Variants in ZNF623 observed in about 807,000 individuals in gnomAD.
The protein encoded by ZNF623 is zinc finger protein 623.
Under a neutral mutation model 24.0 loss-of-function variants are expected in ZNF623, and 16 were observed. That is an observed-to-expected ratio of 0.67 (90% CI 0.45 to 1.01). The LOEUF (loss-of-function observed/expected upper bound fraction) is 1.01, where lower values mean the gene tolerates loss of function less well. Ranked by LOEUF, ZNF623 falls within the 50% of genes least tolerant of loss-of-function variation. The pLI is 0.00. For missense variants in ZNF623, 566 were observed against 606.5 expected, an observed-to-expected ratio of 0.93 and a Z score of 0.70; for synonymous variants, 224 against 219.8, an observed-to-expected ratio of 1.02 and a Z score of -0.17.
In ZNF623 at chr8:143,652,225, C is replaced by T. The variant is rs528906965; in HGVS notation, c.*742C>T. 4.8e-5 allele frequency: 8 copies of T among 167,256 alleles called. No homozygotes were observed. Among genetic ancestry groups the T allele is most frequent in the African/African-American group, 1.9e-4 (8 of 41,574 alleles). 10.4% of individuals were successfully genotyped at this position (167,256 alleles called of 1,614,324 possible). A position where few individuals can be genotyped will look rare whatever the true frequency, so the allele number is the denominator to read the frequency against. ...CCACACTTCTGTGGCTCAGTGATTA[C>T]TGCTATTACTATATTTACTTGCATA... On this transcript the variant is annotated 3_prime_UTR_variant, in exon 2 of 2. Coordinates refer to ENST00000526926, the MANE Select transcript of ZNF623 (RefSeq NM_001261843.2).
rs764998911 is a variant in ZNF623, at chr8:143,650,505, G to A, written c.513G>A (p.Gln171=). Reference sequence around the variant, plus strand: ...GAGAAAAGCCCTTCAAATGTGCGCAGTGTGGGAAGGCGTTTTGTCACAGTT... The same window carrying A: ...GAGAAAAGCCCTTCAAATGTGCGCAATGTGGGAAGGCGTTTTGTCACAGTT... ...HSGEKPFKCA[Q]CGKAFCHSSD... The change falls in exon 2 of 2, where the codon CAG becomes CAA. Residue 171 remains glutamine, a synonymous_variant. Coordinates refer to ENST00000526926, the MANE Select transcript of ZNF623 (RefSeq NM_001261843.2). The surrounding 1 kb of genome is among the most constrained non-coding windows in gnomAD (Gnocchi z 5.2). 1.9e-6 allele frequency: 3 copies of A among 1,614,176 alleles called. No homozygotes were observed. Among genetic ancestry groups the A allele is most frequent in the South Asian group, 2.2e-5 (2 of 91,086 alleles).
intron 1 of ZNF623, among the ~76,000 whole-genome samples, chr8:143,644,754 C>T (rs1815132950): frequency 6.6e-6 from 1 of 150,658 alleles, no homozygotes; most frequent in Non-Finnish European, 1.5e-5. Flanking sequence ...TGCTTGAACC[C>T]AGGAGGCGGA....
chr8:143,650,019 G>C lies in ZNF623; in HGVS notation c.27G>C (p.Glu9Asp). The C allele has an allele frequency of 6.2e-7, 1 of 1,614,206 alleles. No individual in the cohort carries two copies. The highest frequency in any genetic ancestry group is 1.1e-5 in the South Asian group (1 of 91,088). Reference sequence around the variant, plus strand: ...TGGAGCTCCCCTCTCCCGAGTCTGAGGAAGTCCACGAGCCCAGATTAGGGG... The same window carrying C: ...TGGAGCTCCCCTCTCCCGAGTCTGACGAAGTCCACGAGCCCAGATTAGGGG... MELPSPESEEVHEPRLGEL... is the reference protein window; with the variant it reads MELPSPESDEVHEPRLGEL... Residue 9 changes from glutamate (E) to aspartate (D), a missense_variant, in exon 2 of 2, where the codon GAG (glutamate) becomes GAC (aspartate). By Grantham distance (45) the Glu-to-Asp change is conservative. Around this residue, in one of 3 missense-constraint regions of ZNF623, gnomAD observed 313 missense variants for 300.4 expected, o/e 1.04. Coordinates refer to ENST00000526926, the MANE Select transcript of ZNF623 (RefSeq NM_001261843.2). The surrounding 1 kb of genome is among the most constrained non-coding windows in gnomAD (Gnocchi z 5.2).
chr8:143,645,752 T>C (rs967878684), intron 1 of ZNF623, among the ~76,000 whole-genome samples: 1 of 152,184 alleles, frequency 6.6e-6, no homozygotes, highest in Non-Finnish European at 1.5e-5. Flanking sequence ...TGAGCGAGTT[T>C]GGGTGTGTGA....
intron 1 of ZNF623, among the ~76,000 whole-genome samples, chr8:143,637,746 C>T (rs1814957343): frequency 6.6e-6 from 1 of 152,100 alleles, no homozygotes; most frequent in African/African-American, 2.4e-5. Context: ...GACGAGGTTT[C>T]ACCATATTGG....
chr8:143,646,345 T>G (rs1563699634), intron 1 of ZNF623, among the ~76,000 whole-genome samples: 3 of 152,200 alleles, frequency 2.0e-5, no homozygotes, highest in Admixed American at 6.5e-5. Flanking sequence ...ACCTGGCTTA[T>G]TACCTTGTAT....
At chr8:143,648,131 G>T (rs1182284268) in intron 1 of ZNF623, among the ~76,000 whole-genome samples, 1 of 152,160 alleles carries the variant, frequency 6.6e-6, no homozygotes, top group African/African-American at 2.4e-5. Context: ...GCATGTGAGT[G>T]TTCAGCATAG....
At chr8:143,649,720 C>CT (rs1815250269) in intron 1 of ZNF623, 178 bp from the exon 2 acceptor site, 1 of 706,274 alleles carries the variant, frequency 1.4e-6, no homozygotes, top group Non-Finnish European at 2.3e-6. Flanking sequence ...AAGAAGCCAT[C>CT]TTATGTGGGA....
rs1381387545 is a variant in ZNF623 at position 143,650,086 on chromosome 8, C to G, written c.94C>G (p.Pro32Ala). Residue 32 changes from proline (P) to alanine (A), a missense_variant, in exon 2 of 2, where the codon CCC becomes GCC. By Grantham distance (27) the Pro-to-Ala change is conservative. Transcript: ENST00000526926. This position sits in a 1 kb window ranked among gnomAD's most constrained non-coding sequence, Gnocchi z 5.2. ...NPEGQSLGSS[P>A]SQDRGCKQVT... is the part of the protein sequence containing the mutation. ...AGAAGGTCAGAGCCTGGGGAGTTCC[C>G]CCTCTCAGGACAGGGGCTGCAAGCA... is the stretch of plus-strand genomic sequence containing the variant. The G allele has an allele frequency of 1.9e-6, 3 of 1,614,074 alleles. No individual in the cohort carries two copies. The highest frequency in any genetic ancestry group is 2.5e-6 in the Non-Finnish European group (3 of 1,180,020).
In ZNF623 at chr8:143,650,056, A is replaced by C. The variant is rs201124540; in HGVS notation, c.64A>C (p.Asn22His). 7 of 1,614,136 alleles carry C rather than the reference A, an allele frequency of 4.3e-6. No individual in the cohort carries two copies. The Admixed American group carries it at 1.0e-4, about 23-fold the overall frequency. The stretch of plus-strand genomic sequence containing the variant: ...GCCCAGATTAGGGGAGCTCTTGGGA[A>C]ATCCAGAAGGTCAGAGCCTGGGGAG... ...HEPRLGELLGNPEGQSLGSSP... is the reference protein window; with the variant it reads ...HEPRLGELLGHPEGQSLGSSP... Residue 22 changes from asparagine (N) to histidine (H), a missense_variant, in exon 2 of 2, where the codon AAT becomes CAT. Transcript: ENST00000526926. This position sits in a 1 kb window ranked among gnomAD's most constrained non-coding sequence, Gnocchi z 5.2.
intron 1 of ZNF623, among the ~76,000 whole-genome samples, chr8:143,642,486 G>C (rs1358578640): frequency 6.6e-6 from 1 of 152,154 alleles, no homozygotes; most frequent in Non-Finnish European, 1.5e-5. Context: ...TTTCCTTCTG[G>C]GGCTTTTCCT....
intron 1 of ZNF623, among the ~76,000 whole-genome samples, chr8:143,645,651 G>C (rs1815161862): frequency 6.6e-6 from 1 of 152,128 alleles, no homozygotes; most frequent in Non-Finnish European, 1.5e-5. Context: ...CATGTGTGGA[G>C]TGTGCACATT....
chr8:143,647,755 A>G (rs1815207077), intron 1 of ZNF623, among the ~76,000 whole-genome samples: 1 of 152,196 alleles, frequency 6.6e-6, no homozygotes, highest in Non-Finnish European at 1.5e-5. Context: ...TTATGATTTT[A>G]AAGCGTAATT....
Position 143,652,458 on chromosome 8 carries a change from T to G in ZNF623, c.*975T>G, listed in dbSNP as rs1441701013. 1.2e-5 allele frequency: 2 copies of G among 167,122 alleles called. No individual in the cohort carries two copies. Among genetic ancestry groups the G allele is most frequent in the Non-Finnish European group, 2.9e-5 (2 of 68,134 alleles). 10.4% of individuals were successfully genotyped at this position (167,122 alleles called of 1,614,324 possible). On this transcript the variant is annotated 3_prime_UTR_variant, in exon 2 of 2. Transcript: ENST00000526926. ...ATTTTCAGCTGTTGGCTGTTTTTTTTGTTGTTTGTTCATTTTGTATCAGTA... is the reference window on the plus strand; with the variant it reads ...ATTTTCAGCTGTTGGCTGTTTTTTTGGTTGTTTGTTCATTTTGTATCAGTA...
chr8:143,648,379 C>A (rs1369185282), intron 1 of ZNF623, among the ~76,000 whole-genome samples: 1 of 151,958 alleles, frequency 6.6e-6, no homozygotes, highest in Admixed American at 6.6e-5. Flanking sequence ...ATAGCTGACC[C>A]CTGATATGGT....
At position 143,651,525 on chromosome 8, in the gene ZNF623, G is replaced by A. The variant is rs183743323; in HGVS notation, c.*42G>A. 2.1e-5 allele frequency: 32 copies of A among 1,522,508 alleles called. No individual in the cohort carries two copies. In the East Asian group the frequency reaches 3.6e-4, roughly 17 times the overall value. The allele number at this position is 1,522,508 out of a possible 1,614,324, so 94.3% of individuals were successfully genotyped here. ...CCCAGTGAGTGATGTTTGGAAATGC[G>A]TGGAATTAGGATTCATGTGGTTTCT... On this transcript the variant is annotated 3_prime_UTR_variant, in exon 2 of 2. Coordinates refer to ENST00000526926, the MANE Select transcript of ZNF623 (RefSeq NM_001261843.2).
Position 143,651,063 on chromosome 8 carries a change from C to CA in ZNF623, c.1072dup (p.Thr358AsnfsTer7). On this transcript the variant is annotated frameshift_variant, in exon 2 of 2. Coordinates refer to ENST00000526926, the MANE Select transcript of ZNF623 (RefSeq NM_001261843.2). LOFTEE classifies it high-confidence loss of function. ...ACCTTATTCGACACCAGAAAATCCACACTGGAGAGAGAGTGTATGAATGTA... is the reference window on the plus strand; with the variant it reads ...ACCTTATTCGACACCAGAAAATCCACAACTGGAGAGAGAGTGTATGAATGTA... 6.2e-7 allele frequency: 1 copy of CA among 1,614,168 alleles called. No individual in the cohort carries two copies. Among genetic ancestry groups the CA allele is most frequent in the South Asian group, 1.1e-5 (1 of 91,082 alleles).
Position 143,650,935 on chromosome 8 carries a change from C to T in ZNF623, c.943C>T (p.Arg315Cys), listed in dbSNP as rs137872593. ...TTACGTATGCAATGAGTGTGGGAAG[C>T]GCTTCAGCCAGACGTCAAACTTCAC... Reference protein sequence around the residue: ...RPYVCNECGKRFSQTSNFTQH... With the variant: ...RPYVCNECGKCFSQTSNFTQH... The change falls in exon 2 of 2, where the codon CGC becomes TGC. Residue 315 changes from arginine to cysteine, a missense_variant. Physicochemically the swap from Arg to Cys is radical, Grantham distance 180 (BLOSUM62 -3). Transcript: ENST00000526926. The surrounding 1 kb of genome is among the most constrained non-coding windows in gnomAD (Gnocchi z 5.2). 38 of 1,613,668 alleles carry T rather than the reference C, an allele frequency of 2.4e-5. No individual in the cohort carries two copies. The highest frequency in any genetic ancestry group is 6.7e-5 in the East Asian group (3 of 44,854).
rs778960913 is a variant in ZNF623, at chr8:143,637,742, G to T, written c.-96+1597G>T. ...TTTTTGTATTTTTAGTAGAGACGAG[G>T]TTTCACCATATTGGTCAGGCTGGTC... On this transcript the variant is annotated intron_variant, in intron 1 of 1. Coordinates refer to ENST00000526926, the MANE Select transcript of ZNF623 (RefSeq NM_001261843.2). Among the ~76,000 whole-genome samples the T allele has an allele frequency of 2.4e-4, 37 of 152,174 alleles. 1 individual carries two copies. Among genetic ancestry groups the T allele is most frequent in the Non-Finnish European group, 4.1e-4 (28 of 68,012 alleles).
Sources: gnomAD v4.1 joint callset for allele counts (sites outside exome capture counted in the v4.1 genomes callset) on GRCh38, gnomAD v4.1.1 for gene constraint, gnomAD v4.1.1 regional missense constraint, Gnocchi (gnomAD v3.1) non-coding constraint, MANE v1.5 for transcripts, NCBI Gene and HGNC (gene_info 2026-07-23, HGNC 2026-07-21) for gene names.